PAICS: variants seen among roughly 807,000 people sequenced by gnomAD.
PAICS encodes the protein phosphoribosylaminoimidazole carboxylase and phosphoribosylaminoimidazolesuccinocarboxamide synthase, also known as bifunctional phosphoribosylaminoimidazole carboxylase/phosphoribosylaminoimidazole succinocarboxamide synthetase.
A neutral mutation model predicts 53.7 loss-of-function variants in PAICS; 33 were observed. The ratio of observed to expected loss-of-function variants is 0.61; its 90% CI spans 0.47 to 0.82. The LOEUF is 0.82. Among genes scored for constraint, PAICS ranks in the 40% least tolerant of loss-of-function variants. PAICS has a pLI of 0.00. For missense variants in PAICS, 394 were observed against 494.1 expected, an observed-to-expected ratio of 0.80 and a Z score of 1.92; for synonymous variants, 141 against 167.2, an observed-to-expected ratio of 0.84 and a Z score of 1.21.
rs528172474 is a variant in PAICS at position 56,445,266 on chromosome 4, G to T, written c.215-1429G>T. The stretch of plus-strand genomic sequence containing the variant: ...CTAGTGTGTGAAATTACTTCTTTGA[G>T]CCTCTGTTTTTTTCACTGTAAAATG... On this transcript the variant is annotated intron_variant, in intron 2 of 8. Coordinates refer to ENST00000512576, the MANE Select transcript of PAICS (RefSeq NM_001079524.2). 9.6e-5 allele frequency among the ~76,000 whole-genome samples: 14 copies of T among 146,280 alleles called. No individual in the cohort carries two copies. In the East Asian group the frequency reaches 2.6e-3, roughly 28 times the overall value.
upstream of PAICS, among the ~76,000 whole-genome samples, chr4:56,434,985 A>G (rs1263934515): frequency 1.3e-5 from 2 of 152,214 alleles, no homozygotes; most frequent in Non-Finnish European, 2.9e-5. Flanking sequence ...GAGCAGCCAC[A>G]GGCTCCGGGA....
chr4:56,431,989 C>T (rs947881933), upstream of PAICS, among the ~76,000 whole-genome samples: 10 of 152,188 alleles, frequency 6.6e-5, no homozygotes, highest in Non-Finnish European at 1.3e-4. Flanking sequence ...AATCTGAAGA[C>T]AGCCAGAACT....
At chr4:56,445,400 A>C (rs1361070254) in intron 2 of PAICS, among the ~76,000 whole-genome samples, 2 of 152,168 alleles carry the variant, frequency 1.3e-5, no homozygotes, top group African/African-American at 4.8e-5. Flanking sequence ...GTTCCTGACC[A>C]ACATGATGAA....
the PAICS span, chr4:56,416,366 G>C: frequency 1.2e-6 from 1 of 852,530 alleles, no homozygotes; most frequent in Non-Finnish European, 1.4e-6. Flanking sequence ...AATGTCAATT[G>C]CATCAGTAGA....
the PAICS span, among the ~76,000 whole-genome samples, chr4:56,416,919 A>G: frequency 6.6e-5 from 10 of 152,118 alleles, no homozygotes; most frequent in African/African-American, 2.4e-4. Context: ...TCATGATCCC[A>G]GCTCACTGTA....
chr4:56,410,901 A>T, the PAICS span: 13 of 8,648 alleles, frequency 1.5e-3, no homozygotes, highest in Non-Finnish European at 2.0e-3. Flanking sequence ...ACTGAAGGTA[A>T]AAAAAAAAAA....
At chr4:56,435,584 G>A (rs3822001), upstream of PAICS, 194,704 of 1,572,322 alleles carry the variant, frequency 0.12, 13,488 homozygotes, top group Admixed American at 0.28. Context: ...CTCGCGACAG[G>A]CTCTTCCTTC....
At chr4:56,415,399 T>G in the PAICS span, among the ~76,000 whole-genome samples, 1 of 152,242 alleles carries the variant, frequency 6.6e-6, no homozygotes, top group Non-Finnish European at 1.5e-5. Flanking sequence ...CTTTCTAAGA[T>G]GTACTTCATC....
intron 8 of PAICS, among the ~76,000 whole-genome samples, chr4:56,458,780 CAA>C (rs1446711119): frequency 3.3e-5 from 5 of 152,134 alleles, no homozygotes; most frequent in Non-Finnish European, 7.3e-5. Flanking sequence ...AGTACCACCT[CAA>C]GACACTCTGC....
the PAICS span, chr4:56,420,383 A>G: frequency 6.6e-6 from 1 of 152,216 alleles, no homozygotes; most frequent in Non-Finnish European, 1.5e-5. Flanking sequence ...AAAGTTTCAA[A>G]TTTTGTAGCA....
intron 5 of PAICS, among the ~76,000 whole-genome samples, chr4:56,450,225 G>T (rs991824934): frequency 6.6e-6 from 1 of 152,028 alleles, no homozygotes; most frequent in African/African-American, 2.4e-5. Context: ...AATGCATATG[G>T]GGCTTAAAAC....
upstream of PAICS, chr4:56,436,167 C>T: frequency 1.3e-6 from 2 of 1,496,430 alleles, no homozygotes; most frequent in Non-Finnish European, 1.8e-6. Context: ...CCGGGTTAGG[C>T]GGCTGTAGCG....
At chr4:56,457,242 A>G (rs7692073) in intron 8 of PAICS, among the ~76,000 whole-genome samples, 56,712 of 151,728 alleles carry the variant, frequency 0.37, 12,071 homozygotes, top group East Asian at 0.66. Context: ...GCGAAACCCC[A>G]TCTCTACCAT....
Position 56,459,744 on chromosome 4 carries a change from G to C in PAICS, c.*206G>C. 2.1e-6 allele frequency: 1 copy of C among 468,114 alleles called. No homozygotes were observed. The highest frequency in any genetic ancestry group is 3.8e-6 in the Non-Finnish European group (1 of 261,564). The allele number at this position is 468,114 out of a possible 1,614,324, so 29.0% of individuals were successfully genotyped here. A position where few individuals can be genotyped will look rare whatever the true frequency, so the allele number is the denominator to read the frequency against. ...GCTAGACACCAAGATATTTCAGCCA[G>C]CCTTTATCATTCCTCTTACTTTATC... On this transcript the variant is annotated 3_prime_UTR_variant, in exon 9 of 9. Transcript: ENST00000512576.
Position 56,444,606 on chromosome 4 carries a change from G to C in PAICS, c.215-2089G>C, listed in dbSNP as rs1035399211. Among the ~76,000 whole-genome samples the C allele has an allele frequency of 3.6e-4, 54 of 152,078 alleles. 1 individual carries two copies. The highest frequency in any genetic ancestry group is 1.3e-3 in the African/African-American group (53 of 41,398). ...CTGAATGAGAGTTTTGAGCTTTGTA[G>C]ACAACTAAGATAAACAATGGGAATT... On this transcript the variant is annotated intron_variant, in intron 2 of 8. Transcript: ENST00000512576.
chr4:56,429,887 G>A, the PAICS span, among the ~76,000 whole-genome samples: 1 of 152,054 alleles, frequency 6.6e-6, no homozygotes, highest in Non-Finnish European at 1.5e-5. Flanking sequence ...ATTCAACATT[G>A]TTTATGAGAT....
the PAICS span, among the ~76,000 whole-genome samples, chr4:56,412,313 T>TA: frequency 6.6e-5 from 10 of 151,780 alleles, no homozygotes; most frequent in African/African-American, 2.4e-4. Context: ...CATCACCTTT[T>TA]TTTTTTTTTT....
At chr4:56,436,230 A>C (rs1717938811), upstream of PAICS, 3 of 1,542,292 alleles carry the variant, frequency 1.9e-6, no homozygotes, top group Admixed American at 2.0e-5. Flanking sequence ...TTCCCCGCCC[A>C]GCGAAGCTCT....
At chr4:56,440,291 G>A (rs1330681317) in intron 1 of PAICS, among the ~76,000 whole-genome samples, 1 of 152,182 alleles carries the variant, frequency 6.6e-6, no homozygotes, top group Non-Finnish European at 1.5e-5. Context: ...TATCTTAAAG[G>A]GACTTTTAAA....
Sources: allele counts gnomAD v4.1 joint callset (sites outside exome capture counted in the v4.1 genomes callset), GRCh38; gene constraint gnomAD v4.1.1; transcripts MANE v1.5; gene names NCBI Gene and HGNC (gene_info 2026-07-23, HGNC 2026-07-21).